HELZ2: variants seen among roughly 807,000 people sequenced by gnomAD.
HELZ2 encodes 3'-5' exoribonuclease HELZ2.
A neutral mutation model predicts 208.8 loss-of-function variants in HELZ2; 143 were observed. The ratio of observed to expected loss-of-function variants is 0.68; its 90% CI spans 0.60 to 0.79. The LOEUF (loss-of-function observed/expected upper bound fraction) is 0.79, where lower values mean the gene tolerates loss of function less well. HELZ2 is among the 30% of genes least tolerant of loss of function. The pLI is 0.00. For synonymous variants in HELZ2, 1,705 were observed against 1,693.7 expected (o/e 1.01, Z -0.16); for missense variants, 3,690 against 3,794.5 (o/e 0.97, Z 0.72).
At chr20:63,569,336 G>A (rs530587530) in exon 4 of HELZ2, 21 of 1,600,956 alleles carry the variant, frequency 1.3e-5, no homozygotes, top group South Asian at 1.1e-4. Flanking sequence ...CAGGCACCAC[G>A]TGGCGGTTGC....
At position 63,567,493 on chromosome 20, in the gene HELZ2, C is replaced by T. The variant is rs768871581; in HGVS notation, c.1865G>A (p.Cys622Tyr). 15 of 1,557,028 alleles carry T rather than the reference C, an allele frequency of 9.6e-6. 1 individual carries two copies. Among genetic ancestry groups the T allele is most frequent in the South Asian group, 5.9e-5 (5 of 84,892 alleles). Reference sequence around the variant, plus strand: ...GAAAGCCTGGCGGTCGTCGGTCAGGCAACAGTACTGCAGCGTGACTGGGTC... The same window carrying T: ...GAAAGCCTGGCGGTCGTCGGTCAGGTAACAGTACTGCAGCGTGACTGGGTC... The change falls in exon 6 of 19, where the codon TGC (cysteine) becomes TAC (tyrosine). Residue 622 changes from cysteine (C) to tyrosine (Y), a missense_variant. Around this residue, in one of 3 missense-constraint regions of HELZ2, gnomAD observed 1,119 missense variants for 1,193.4 expected, o/e 0.94. Transcript: ENST00000467148.
chr20:63,569,246 G>A (rs2082994613), exon 4 of HELZ2: 2 of 1,570,976 alleles, frequency 1.3e-6, no homozygotes, highest in Non-Finnish European at 1.7e-6. Flanking sequence ...AGGCCACGCT[G>A]CTGCGGTTGA....
At chr20:63,569,689 G>C in intron 3 of HELZ2, 24 bp from the exon 5 acceptor site, 5 of 1,491,002 alleles carry the variant, frequency 3.4e-6, no homozygotes, top group South Asian at 1.3e-5. Flanking sequence ...CAGACGGTGA[G>C]GGGGGCCCAG....
Position 63,565,688 on chromosome 20 carries a change from GCAGCCGCT to G in HELZ2, c.3126_3133del (p.Ala1043CysfsTer10), listed in dbSNP as rs2082946348. On this transcript the variant is annotated frameshift_variant, in exon 8 of 19. Coordinates refer to ENST00000467148, the Ensembl canonical transcript of HELZ2. LOFTEE classifies it high-confidence loss of function. ...CTCCGTGGACTCCACGCCCGCTGCA[GCAGCCGCT>G]CCTGCCGCACAGGCCCCGGGCACCA... is the stretch of plus-strand genomic sequence containing the variant. 1.2e-6 allele frequency: 2 copies of G among 1,608,174 alleles called. No homozygotes were observed. Among genetic ancestry groups the G allele is most frequent in the African/African-American group, 1.3e-5 (1 of 74,908 alleles).
At chr20:63,568,846 C>G in exon 5 of HELZ2, 4 of 1,612,320 alleles carry the variant, frequency 2.5e-6, no homozygotes, top group Non-Finnish European at 2.5e-6. Context: ...CTGTGCTGAC[C>G]GCCCGGCCCA....
Position 63,563,338 on chromosome 20 carries a change from C to T in HELZ2, c.5484G>A (p.Trp1828Ter). ...GCTCCACCAGCTCCAGCAGCTGCTT[C>T]CACAGGGCCGTCTCCACGGCCAGGG... The change falls in exon 8 of 19, where the codon TGG becomes TGA. Residue 1828 changes from tryptophan (W) to a stop codon, truncating the protein, a stop_gained. Coordinates refer to ENST00000467148, the Ensembl canonical transcript of HELZ2. LOFTEE classifies it high-confidence loss of function. 6.5e-7 allele frequency: 1 copy of T among 1,539,258 alleles called. No homozygotes were observed. Among genetic ancestry groups the T allele is most frequent in the Non-Finnish European group, 8.7e-7 (1 of 1,148,598 alleles).
chr20:63,569,854 C>A (rs1045464271), intron 3 of HELZ2, among the ~76,000 whole-genome samples, 189 bp from the exon 5 acceptor site: 1 of 152,236 alleles, frequency 6.6e-6, no homozygotes, highest in African/African-American at 2.4e-5. Context: ...GGTGGCTGAA[C>A]CCTCCTGGGG....
intron 1 of HELZ2, chr20:63,571,084 C>T: frequency 1.9e-6 from 1 of 516,552 alleles, no homozygotes; most frequent in Admixed American, 3.5e-5. Context: ...GGCTTTAGCC[C>T]TCAGCAGGTG....
chr20:63,568,275 C>T (rs1290879941), intron 5 of HELZ2, 83 bp downstream of exon 6: 2 of 1,029,876 alleles, frequency 1.9e-6, no homozygotes, highest in South Asian at 1.3e-5. Context: ...AGGACTGGAG[C>T]ACATCCAGGG....
intron 4 of HELZ2, 63 bp downstream of exon 5, chr20:63,569,085 C>A: frequency 6.3e-7 from 1 of 1,584,044 alleles, no homozygotes. Context: ...CCCGTTGCCC[C>A]AGCCGCTCCC....
In HELZ2 at chr20:63,566,358, T is replaced by C; in HGVS notation, c.2590+20A>G. ...GTATCCTGGGGCAGCTGGCAGCACCTGGCCCCGCTGGTCACCCACCTGGCA... is the reference window on the plus strand; with the variant it reads ...GTATCCTGGGGCAGCTGGCAGCACCCGGCCCCGCTGGTCACCCACCTGGCA... On this transcript the variant is annotated intron_variant, in intron 7 of 18. Coordinates refer to ENST00000467148, the Ensembl canonical transcript of HELZ2. The C allele has an allele frequency of 6.5e-7, 1 of 1,546,000 alleles. No individual in the cohort carries two copies. Among genetic ancestry groups the C allele is most frequent in the Admixed American group, 2.0e-5 (1 of 50,928 alleles).
At chr20:63,558,154 A>G (rs1268523399), downstream of HELZ2, 2 of 152,544 alleles carry the variant, frequency 1.3e-5, 1 homozygote, top group East Asian at 3.8e-4. Context: ...AGATATAAAA[A>G]TTGGAATGTA....
At chr20:63,562,224 T>A (rs758517066) in intron 9 of HELZ2, 21 bp from the exon 11 acceptor site, 4 of 1,608,884 alleles carry the variant, frequency 2.5e-6, no homozygotes, top group Non-Finnish European at 3.4e-6. Flanking sequence ...GCAGCCTCCC[T>A]GAGCACTCAT....
At chr20:63,562,599 T>C in exon 8 of HELZ2, 5 of 1,599,030 alleles carry the variant, frequency 3.1e-6, no homozygotes, top group Non-Finnish European at 4.3e-6. Flanking sequence ...ACCTTCTCCA[T>C]GCCCATGTGG....
At position 63,563,036 on chromosome 20, in the gene HELZ2, C is replaced by T. The variant is rs552403375; in HGVS notation, c.5786G>A (p.Arg1929Gln). 84 of 1,599,800 alleles carry T rather than the reference C, an allele frequency of 5.3e-5. No homozygotes were observed. The highest frequency in any genetic ancestry group is 1.7e-4 in the Middle Eastern group (1 of 6,038). Reference sequence around the variant, plus strand: ...GTCGCGGTACCGGTCCCTCGGGGCCCGGTACACACGGCCTGAGAAGCAGTC... The same window carrying T: ...GTCGCGGTACCGGTCCCTCGGGGCCTGGTACACACGGCCTGAGAAGCAGTC... Residue 1929 changes from arginine (R) to glutamine (Q), a missense_variant, in exon 8 of 19, where the codon CGG becomes CAG. Transcript: ENST00000467148.
exon 6 of HELZ2, chr20:63,567,203 G>A (rs777943500): frequency 1.1e-5 from 18 of 1,607,702 alleles, no homozygotes; most frequent in East Asian, 6.7e-5. Flanking sequence ...AGGAAGAGGC[G>A]GTGCAGCAGC....
downstream of HELZ2, chr20:63,558,201 G>A (rs548106818): frequency 7.3e-3 from 1,121 of 152,658 alleles, 2 homozygotes; most frequent in Non-Finnish European, 0.011. Flanking sequence ...GACTGGAGGC[G>A]GCAGCAGGGA....
At chr20:63,566,399 C>T (rs914118239) in exon 7 of HELZ2, 20 of 1,548,354 alleles carry the variant, frequency 1.3e-5, no homozygotes, top group South Asian at 3.6e-5. Flanking sequence ...TCAAAACTGC[C>T]GACAGACACC....
chr20:63,560,304 G>C, exon 17 of HELZ2: 1 of 1,555,592 alleles, frequency 6.4e-7, no homozygotes, highest in Non-Finnish European at 8.7e-7. Flanking sequence ...TCCTCCCCAG[G>C]GTCAGCTGCT....
Sources: gnomAD v4.1 joint callset for allele counts (sites outside exome capture counted in the v4.1 genomes callset) on GRCh38, gnomAD v4.1.1 for gene constraint, gnomAD v4.1.1 regional missense constraint, MANE v1.5 for transcripts, NCBI Gene and HGNC (gene_info 2026-07-23, HGNC 2026-07-21) for gene names.